Variants in FANCA observed in about 807,000 individuals in gnomAD.
FANCA encodes the protein FA complementation group A, also known as Fanconi anemia group A protein.
In FANCA, 236 loss-of-function variants were observed where a neutral mutation model predicts 194.3. The ratio of observed to expected loss-of-function variants is 1.21; its 90% CI spans 1.09 to 1.35. The LOEUF (loss-of-function observed/expected upper bound fraction) is 1.35, where lower values mean the gene tolerates loss of function less well. Among genes scored for constraint, FANCA ranks in the 40% most tolerant of loss-of-function variants. FANCA has a pLI of 0.00. For missense variants in FANCA, 2,628 were observed against 1,813.9 expected, an observed-to-expected ratio of 1.45 and a Z score of -8.15; for synonymous variants, 1,014 against 715.8, an observed-to-expected ratio of 1.42 and a Z score of -6.65.
chr16:89,812,478 C>G (rs1034041494), intron 3 of FANCA, among the ~76,000 whole-genome samples: 2 of 150,686 alleles, frequency 1.3e-5, no homozygotes, highest in Non-Finnish European at 3.0e-5. Context: ...GAAACCCTAT[C>G]TCTACTAAAA....
At chr16:89,768,416 C>G (rs2039203264) in intron 26 of FANCA, among the ~76,000 whole-genome samples, 1 of 152,096 alleles carries the variant, frequency 6.6e-6, no homozygotes, top group African/African-American at 2.4e-5. Flanking sequence ...ACCTGTAATC[C>G]TAACTGAAGT....
At chr16:89,799,784 G>A (rs998339368) in intron 8 of FANCA, 146 bp from the exon 9 acceptor site, 2 of 705,400 alleles carry the variant, frequency 2.8e-6, no homozygotes, top group Non-Finnish European at 5.1e-6. Flanking sequence ...ACGAGGTCAG[G>A]AGATCGAGAC....
At position 89,738,340 on chromosome 16, in the gene FANCA, AGG is replaced by A; in HGVS notation, c.*259_*260del. Reference sequence around the variant, plus strand: ...GTGTGCACCCGCATGGGAGGGTCGGAGGGTGCTGCCCGCCCTTGGTGCTGGAG... The same window carrying A: ...GTGTGCACCCGCATGGGAGGGTCGGAGTGCTGCCCGCCCTTGGTGCTGGAG... On this transcript the variant is annotated 3_prime_UTR_variant, in exon 43 of 43. Coordinates refer to ENST00000389301, the MANE Select transcript of FANCA (RefSeq NM_000135.4). 1 of 1,494,190 alleles carries A rather than the reference AGG, an allele frequency of 6.7e-7. No individual in the cohort carries two copies. Among genetic ancestry groups the A allele is most frequent in the Non-Finnish European group, 8.9e-7 (1 of 1,120,950 alleles). The allele number at this position is 1,494,190 out of a possible 1,614,324, so 92.6% of individuals were successfully genotyped here. A position where few individuals can be genotyped will look rare whatever the true frequency, so the allele number is the denominator to read the frequency against.
intron 8 of FANCA, among the ~76,000 whole-genome samples, chr16:89,802,465 G>C (rs189304441): frequency 1.3e-5 from 2 of 151,272 alleles, no homozygotes; most frequent in South Asian, 4.2e-4. Context: ...ACAGTGACAC[G>C]ATCTGGGCTC....
intron 37 of FANCA, 57 bp downstream of exon 37, chr16:89,742,743 A>T (rs2143058860): frequency 6.3e-7 from 1 of 1,599,368 alleles, no homozygotes; most frequent in East Asian, 2.3e-5. Context: ...GAGAAATAGC[A>T]CTGATTGAAA....
Position 89,765,045 on chromosome 16 carries a change from A to G in FANCA, c.2623T>C (p.Leu875=). The change falls in exon 28 of 43, where the codon TTG becomes CTG. Residue 875 remains leucine (L), a synonymous_variant. Coordinates refer to ENST00000389301, the MANE Select transcript of FANCA (RefSeq NM_000135.4). ...AGAGGCTGTCGGGCCTCTGAGAACA[A>G]TCTGAACATGAGGAACTGAAACTGA... ...IKKFQFLMFR[L]FSEARQPLSE... is the part of the protein sequence containing the mutation. 6.2e-7 allele frequency: 1 copy of G among 1,614,206 alleles called. No individual in the cohort carries two copies. The highest frequency in any genetic ancestry group is 8.5e-7 in the Non-Finnish European group (1 of 1,180,018).
intron 12 of FANCA, 115 bp downstream of exon 12, chr16:89,792,356 G>A (rs1232585508): frequency 1.7e-6 from 2 of 1,154,068 alleles, no homozygotes; most frequent in Non-Finnish European, 2.6e-6. Flanking sequence ...CATCTCACCA[G>A]ACATCCCTGA....
Position 89,786,568 on chromosome 16 carries a change from C to T in FANCA, c.1360-1604G>A, listed in dbSNP as rs558372065. Reference sequence around the variant, plus strand: ...CTGACCTCAAGTGATCCACCTGCCTCGGCCTTCCAAAGTGCTGGGATTACA... The same window carrying T: ...CTGACCTCAAGTGATCCACCTGCCTTGGCCTTCCAAAGTGCTGGGATTACA... On this transcript the variant is annotated intron_variant, in intron 14 of 42. Coordinates refer to ENST00000389301, the MANE Select transcript of FANCA (RefSeq NM_000135.4). 6.8e-4 allele frequency among the ~76,000 whole-genome samples: 103 copies of T among 152,222 alleles called. 3 individuals are homozygous for T. In the South Asian group the frequency reaches 0.019, roughly 28 times the overall value.
intron 30 of FANCA, among the ~76,000 whole-genome samples, chr16:89,756,705 T>C (rs1047339187): frequency 6.6e-6 from 1 of 152,210 alleles, no homozygotes; most frequent in Non-Finnish European, 1.5e-5. Context: ...GGCTGATCTT[T>C]CTGTTCCGCA....
intron 26 of FANCA, among the ~76,000 whole-genome samples, chr16:89,769,364 G>C (rs75279532): frequency 6.6e-6 from 1 of 152,198 alleles, no homozygotes; most frequent in Non-Finnish European, 1.5e-5. Flanking sequence ...GAGGCACTGA[G>C]CAGACCATTC....
At chr16:89,760,823 G>A (rs1239496966) in intron 29 of FANCA, among the ~76,000 whole-genome samples, 2 of 152,050 alleles carry the variant, frequency 1.3e-5, no homozygotes, top group African/African-American at 2.4e-5. Flanking sequence ...CTCTCACACG[G>A]CCCTGTCTGT....
At chr16:89,798,709 T>G in intron 10 of FANCA, 1 of 1,314,504 alleles carries the variant, frequency 7.6e-7, no homozygotes, top group South Asian at 1.6e-5. Context: ...AGGGCCAAGC[T>G]TTGCCTACTG....
At chr16:89,761,341 C>T (rs2038944543) in intron 29 of FANCA, among the ~76,000 whole-genome samples, 1 of 151,342 alleles carries the variant, frequency 6.6e-6, no homozygotes, top group Non-Finnish European at 1.5e-5. Context: ...ATGGCGTGAA[C>T]CCGGGAGGTG....
chr16:89,803,421 A>T, intron 7 of FANCA, 80 bp from the exon 8 acceptor site: 1 of 1,312,630 alleles, frequency 7.6e-7, no homozygotes, highest in Non-Finnish European at 1.1e-6. Context: ...CATCCACTTC[A>T]GAGGGGCGGG....
At chr16:89,807,386 G>A (rs1392320198) in intron 6 of FANCA, among the ~76,000 whole-genome samples, 5 of 151,784 alleles carry the variant, frequency 3.3e-5, no homozygotes, top group Admixed American at 6.6e-5. Context: ...TCCGGGAAGC[G>A]GAGGTTGCAG....
intron 5 of FANCA, among the ~76,000 whole-genome samples, chr16:89,810,365 C>A (rs996154553): frequency 6.6e-6 from 1 of 151,396 alleles, no homozygotes; most frequent in African/African-American, 2.4e-5. Context: ...AAGGCGAGAC[C>A]CTGTCTCTGG....
At chr16:89,761,111 G>T (rs1055607136) in intron 29 of FANCA, among the ~76,000 whole-genome samples, 1 of 152,160 alleles carries the variant, frequency 6.6e-6, no homozygotes, top group Non-Finnish European at 1.5e-5. Flanking sequence ...CTTAAATAAA[G>T]GAATAACAAC....
chr16:89,754,293 TCAA>T (rs2038700006), intron 30 of FANCA, among the ~76,000 whole-genome samples: 1 of 151,524 alleles, frequency 6.6e-6, no homozygotes, highest in Non-Finnish European at 1.5e-5. Flanking sequence ...CCGGGGCAAT[TCAA>T]CAAGAAAAAG....
At chr16:89,753,020 G>C (rs1016285324) in intron 30 of FANCA, among the ~76,000 whole-genome samples, 1 of 152,210 alleles carries the variant, frequency 6.6e-6, no homozygotes, top group African/African-American at 2.4e-5. Flanking sequence ...CAGTGGTCAT[G>C]CTCCTAGTCC....
Sources: gnomAD v4.1 joint callset for allele counts (sites outside exome capture counted in the v4.1 genomes callset) on GRCh38, gnomAD v4.1.1 for gene constraint, MANE v1.5 for transcripts, NCBI Gene and HGNC (gene_info 2026-07-23, HGNC 2026-07-21) for gene names.